ZNF345: variants seen among roughly 807,000 people sequenced by gnomAD.
ZNF345 encodes zinc finger protein HZF10.
For missense variants in ZNF345, 527 were observed against 589.9 expected, an observed-to-expected ratio of 0.89 and a Z score of 1.10; for synonymous variants, 166 against 187.9, an observed-to-expected ratio of 0.88 and a Z score of 0.95.
chr19:36,888,144 T>G (rs1279613103), intron 3 of ZNF345: 2 of 152,130 alleles, frequency 1.3e-5, no homozygotes, highest in Non-Finnish European at 1.5e-5. Flanking sequence ...ACAGAAGAGT[T>G]TATAGTAACA....
Position 36,877,084 on chromosome 19 carries a change from C to A in ZNF345, c.254C>A (p.Thr85Asn), listed in dbSNP as rs1326791320. The change falls in exon 3 of 3, where the codon ACT becomes AAT. Residue 85 changes from threonine (T) to asparagine (N), a missense_variant. Coordinates refer to ENST00000420450, the MANE Select transcript of ZNF345 (RefSeq NM_001242472.2). ...CTTGTTCGACATCAGCGAATTCATA[C>A]TGGTGAGAAACCTTATGAATGCAAA... is the stretch of plus-strand genomic sequence containing the variant. Reference protein sequence around the residue: ...SVLVRHQRIHTGEKPYECKEC... With the variant: ...SVLVRHQRIHNGEKPYECKEC... 3 of 1,614,042 alleles carry A rather than the reference C, an allele frequency of 1.9e-6. No individual in the cohort carries two copies. The highest frequency in any genetic ancestry group is 2.5e-6 in the Non-Finnish European group (3 of 1,179,976).
chr19:36,891,907 G>A lies in ZNF345; in HGVS notation c.47-911G>A, dbSNP rs999357901. The A allele has an allele frequency of 3.1e-6, 5 of 1,613,900 alleles. No homozygotes were observed. The African/African-American group carries it at 6.7e-5, about 22-fold the overall frequency. ...TTTCCCACATTCTTTACATTCATAA[G>A]GTTTCTCACCAGTATGAATTCTCAG... On this transcript the variant is annotated intron_variant, in intron 3 of 3. Transcript: ENST00000526123.
At chr19:36,865,809 G>A (rs1004783528) in intron 2 of ZNF345, among the ~76,000 whole-genome samples, 2 of 152,112 alleles carry the variant, frequency 1.3e-5, no homozygotes, top group Admixed American at 6.5e-5. Flanking sequence ...GTTTTTGTAG[G>A]TGCTGTTCAT....
intron 1 of ZNF345, chr19:36,851,554 ATG>A (rs1204765426): frequency 6.6e-6 from 1 of 152,354 alleles, no homozygotes; most frequent in East Asian, 1.9e-4. Flanking sequence ...TTGTGTGACT[ATG>A]TGTCCGTATA....
intron 2 of ZNF345, among the ~76,000 whole-genome samples, chr19:36,855,742 G>A (rs7247084): frequency 0.019 from 1,740 of 93,814 alleles, 40 homozygotes; most frequent in African/African-American, 0.068. Context: ...GTGAGCCACC[G>A]CACCCGGCCC....
intron 2 of ZNF345, among the ~76,000 whole-genome samples, chr19:36,857,936 T>G (rs977589317): frequency 6.6e-6 from 1 of 151,696 alleles, no homozygotes; most frequent in Non-Finnish European, 1.5e-5. Context: ...GCACAACACC[T>G]GGCTAATTTT....
rs1048738550 is a variant in ZNF345, at chr19:36,891,691, A to C, written c.47-1127A>C. 3 of 1,613,562 alleles carry C rather than the reference A, an allele frequency of 1.9e-6. No individual in the cohort carries two copies. In the African/African-American group the frequency reaches 4.0e-5, roughly 22 times the overall value. ...TGTATGGATTCTCTGATGTTGAATA[A>C]GTTCTGAGCTCTGAATAAAGGCCTT... On this transcript the variant is annotated intron_variant, in intron 3 of 3. Coordinates refer to the ZNF345 transcript ENST00000526123.
chr19:36,854,236 T>A, intron 2 of ZNF345, among the ~76,000 whole-genome samples: 1 of 60,872 alleles, frequency 1.6e-5, no homozygotes, highest in South Asian at 6.7e-4. Context: ...CTGGGTTTTG[T>A]TTTTTTTTTT....
intron 2 of ZNF345, among the ~76,000 whole-genome samples, chr19:36,855,297 C>G (rs2072388086): frequency 6.6e-6 from 1 of 151,964 alleles, no homozygotes; most frequent in Non-Finnish European, 1.5e-5. Context: ...CCCCCGCCAC[C>G]ACGCCCAGCT....
intron 2 of ZNF345, among the ~76,000 whole-genome samples, chr19:36,866,860 T>C (rs1361922193): frequency 6.6e-6 from 1 of 152,238 alleles, no homozygotes; most frequent in Non-Finnish European, 1.5e-5. Context: ...CCATGTTGAA[T>C]AGTTTAGATA....
At chr19:36,873,514 C>G (rs1347708964) in intron 2 of ZNF345, among the ~76,000 whole-genome samples, 3 of 152,100 alleles carry the variant, frequency 2.0e-5, no homozygotes, top group African/African-American at 7.2e-5. Flanking sequence ...AAAATCTACT[C>G]TCATCAAAAA....
intron 2 of ZNF345, among the ~76,000 whole-genome samples, chr19:36,868,791 A>G (rs573582635): frequency 1.2e-4 from 18 of 151,796 alleles, no homozygotes; most frequent in Non-Finnish European, 1.9e-4. Context: ...ACGCCCAGCT[A>G]ATTTTTTTAC....
intron 3 of ZNF345, among the ~76,000 whole-genome samples, chr19:36,886,611 C>G (rs1324108511): frequency 6.6e-6 from 1 of 152,046 alleles, no homozygotes; most frequent in East Asian, 1.9e-4. Flanking sequence ...TTTGGGAGGC[C>G]GAGGAGGGTG....
chr19:36,892,577 A>C, intron 3 of ZNF345: 1 of 1,244,206 alleles, frequency 8.0e-7, no homozygotes, highest in Non-Finnish European at 1.1e-6. Flanking sequence ...GAGAAATTAC[A>C]CAGTTTTCAA....
At chr19:36,855,342 G>C (rs889867905) in intron 2 of ZNF345, among the ~76,000 whole-genome samples, 1 of 150,674 alleles carries the variant, frequency 6.6e-6, no homozygotes, top group African/African-American at 2.4e-5. Flanking sequence ...GTAGAGACGG[G>C]GTTTCACGGT....
intron 2 of ZNF345, 43 bp from the exon 3 acceptor site, chr19:36,876,742 A>G: frequency 7.5e-7 from 1 of 1,336,646 alleles, no homozygotes; most frequent in East Asian, 2.3e-5. Flanking sequence ...AATCTCTCCC[A>G]GAACACAAAA....
chr19:36,882,654 G>A (rs1056318072), downstream of ZNF345, among the ~76,000 whole-genome samples: 2 of 152,056 alleles, frequency 1.3e-5, no homozygotes, highest in Non-Finnish European at 2.9e-5. Context: ...GTGTCTGTAT[G>A]TTTGTGTGTG....
rs1017594823 is a variant in ZNF345, at chr19:36,891,295, C to T, written c.47-1523C>T. Reference sequence around the variant, plus strand: ...ATCAGCACCCTTGAGTTTAGATTTCCAGGCTCTAAACTATGAGAGAATAAA... The same window carrying T: ...ATCAGCACCCTTGAGTTTAGATTTCTAGGCTCTAAACTATGAGAGAATAAA... On this transcript the variant is annotated intron_variant, in intron 3 of 3. Transcript: ENST00000526123. 4 of 524,114 alleles carry T rather than the reference C, an allele frequency of 7.6e-6. No individual in the cohort carries two copies. In the East Asian group the frequency reaches 1.3e-4, roughly 17 times the overall value. The allele number at this position is 524,114 out of a possible 1,614,324, so 32.5% of individuals were successfully genotyped here.
intron 3 of ZNF345, chr19:36,892,325 A>T (rs893366036): frequency 6.2e-7 from 1 of 1,613,732 alleles, no homozygotes; most frequent in Non-Finnish European, 8.5e-7. Context: ...TTACATTCCC[A>T]TGGTTTCTCT....
Sources: gnomAD v4.1 joint callset for allele counts (sites outside exome capture counted in the v4.1 genomes callset) on GRCh38, gnomAD v4.1.1 for gene constraint, MANE v1.5 for transcripts, NCBI Gene and HGNC (gene_info 2026-07-23, HGNC 2026-07-21) for gene names.